The following CDH23 variants were observed in gnomAD, a reference collection of about 807,000 sequenced individuals.
The protein encoded by CDH23 is cadherin-23.
Under a neutral mutation model 317.1 loss-of-function variants are expected in CDH23, and 189 were observed. The ratio of observed to expected loss-of-function variants is 0.60; its 90% CI spans 0.53 to 0.67. CDH23 has a LOEUF of 0.67. CDH23 is among the 30% of genes least tolerant of loss of function. The pLI is 0.00. For synonymous variants in CDH23, 1,839 were observed against 1,876.8 expected (o/e 0.98, Z 0.52); for missense variants, 4,401 against 4,592.4 (o/e 0.96, Z 1.20).
chr10:71,423,477 C>T (rs1025529738), intron 1 of CDH23, among the ~76,000 whole-genome samples: 3 of 152,150 alleles, frequency 2.0e-5, no homozygotes, highest in Non-Finnish European at 2.9e-5. Context: ...GGAAGGTGCT[C>T]CTTGGCTGGG....
intron 9 of CDH23, among the ~76,000 whole-genome samples, chr10:71,599,289 G>A (rs987625020): frequency 2.0e-5 from 3 of 152,176 alleles, no homozygotes; most frequent in Admixed American, 6.5e-5. Context: ...TCATCTCAGA[G>A]GCCTGTTCTG....
chr10:71,791,093 T>G, intron 46 of CDH23, 39 bp from the exon 47 acceptor site: 1 of 1,544,832 alleles, frequency 6.5e-7, no homozygotes, highest in Non-Finnish European at 8.8e-7. Flanking sequence ...CCGCACCCCT[T>G]TTCTGTGTGT....
chr10:71,790,805 T>C, intron 46 of CDH23: 1 of 473,062 alleles, frequency 2.1e-6, no homozygotes, highest in Non-Finnish European at 3.9e-6. Context: ...GGAGGCCGCT[T>C]TGGTGACAGG....
chr10:71,589,031 G>A (rs534918370), intron 9 of CDH23, among the ~76,000 whole-genome samples: 2 of 152,318 alleles, frequency 1.3e-5, no homozygotes, highest in Non-Finnish European at 2.9e-5. Context: ...CCCAGCTCCA[G>A]TCTGCAGCCC....
rs1428407796 is a variant in CDH23, at chr10:71,559,936, G to C, written c.430-6806G>C. 2.6e-5 allele frequency among the ~76,000 whole-genome samples: 4 copies of C among 152,224 alleles called. No homozygotes were observed. In the East Asian group the frequency reaches 7.7e-4, roughly 29 times the overall value. On this transcript the variant is annotated intron_variant, in intron 6 of 69. Coordinates refer to ENST00000224721, the MANE Select transcript of CDH23 (RefSeq NM_022124.6). ...TGTGCCCCTCCCTGACCAGAATGGG[G>C]CTCCCTGAGATATGTGTTGGTGCCC... is the stretch of plus-strand genomic sequence containing the variant.
intron 3 of CDH23, among the ~76,000 whole-genome samples, chr10:71,475,504 C>T (rs573184534): frequency 1.3e-5 from 2 of 152,216 alleles, no homozygotes; most frequent in Non-Finnish European, 2.9e-5. Flanking sequence ...GACCTTCAGG[C>T]TGAGCCAACT....
At chr10:71,702,302 A>C (rs1476783937) in intron 23 of CDH23, 91 bp downstream of exon 23, 1 of 1,409,092 alleles carries the variant, frequency 7.1e-7, no homozygotes, top group African/African-American at 1.4e-5. Flanking sequence ...GGGCCCACCC[A>C]GGAGGTCTAT....
rs939317652 is a variant in CDH23 at position 71,815,389 on chromosome 10, G to A, written c.*111G>A. The stretch of plus-strand genomic sequence containing the variant: ...GGGGACCCTCCAAGGCCAGGCCTTG[G>A]GGACAACCTTGGCTTGGCCCTGGCA... On this transcript the variant is annotated 3_prime_UTR_variant, in exon 70 of 70. Coordinates refer to ENST00000224721, the MANE Select transcript of CDH23 (RefSeq NM_022124.6). The A allele has an allele frequency of 3.7e-6, 4 of 1,094,230 alleles. No individual in the cohort carries two copies. The highest frequency in any genetic ancestry group is 5.1e-6 in the Non-Finnish European group (4 of 788,326). The allele number at this position is 1,094,230 out of a possible 1,614,324, so 67.8% of individuals were successfully genotyped here.
rs761433693 is a variant in CDH23, at chr10:71,811,354, G to A, written c.9117G>A (p.Arg3039=). The A allele has an allele frequency of 4.3e-6, 7 of 1,613,926 alleles. No homozygotes were observed. Among genetic ancestry groups the A allele is most frequent in the Non-Finnish European group, 5.9e-6 (7 of 1,179,878 alleles). The part of the protein sequence containing the change: ...QMIDENKEQL[R]NLFRNYNVLD... ...TCGATGAGAACAAGGAGCAGCTACGGAATCTTTTCCGGAACTACAACGTCC... is the reference window on the plus strand; with the variant it reads ...TCGATGAGAACAAGGAGCAGCTACGAAATCTTTTCCGGAACTACAACGTCC... The change falls in exon 63 of 70, where the codon CGG becomes CGA. Residue 3039 remains arginine (R), a synonymous_variant. Transcript: ENST00000224721.
At chr10:71,781,955 G>C (rs1190606146) in intron 41 of CDH23, among the ~76,000 whole-genome samples, 2 of 152,164 alleles carry the variant, frequency 1.3e-5, no homozygotes, top group African/African-American at 4.8e-5. Flanking sequence ...GTCACTGAAG[G>C]GTTGACGGAT....
intron 24 of CDH23, among the ~76,000 whole-genome samples, chr10:71,704,267 A>C (rs764652549): frequency 5.3e-5 from 8 of 152,130 alleles, no homozygotes; most frequent in Non-Finnish European, 1.2e-4. Context: ...CCTTGAATCC[A>C]CTTCAGTAAA....
At chr10:71,755,553 G>A (rs1198274126) in intron 38 of CDH23, 3 of 1,255,574 alleles carry the variant, frequency 2.4e-6, no homozygotes, top group African/African-American at 3.0e-5. Context: ...GGGAAGGCCA[G>A]GAAGCAGGAG....
At chr10:71,679,623 C>T in intron 17 of CDH23, 131 bp downstream of exon 17, 4 of 723,984 alleles carry the variant, frequency 5.5e-6, no homozygotes, top group Non-Finnish European at 9.5e-6. Context: ...CAGGAAGCTG[C>T]CCGGAGCACC....
At chr10:71,724,672 A>G (rs142710448) in intron 29 of CDH23, among the ~76,000 whole-genome samples, 2 of 152,326 alleles carry the variant, frequency 1.3e-5, no homozygotes, top group African/African-American at 4.8e-5. Context: ...TGGCCCTGAC[A>G]GAGAGGGCCC....
chr10:71,670,931 AG>A (rs1356861792), intron 14 of CDH23, among the ~76,000 whole-genome samples: 1 of 145,554 alleles, frequency 6.9e-6, no homozygotes, highest in Admixed American at 6.9e-5. Context: ...AGCACAGTTG[AG>A]GTGCTCACCT....
chr10:71,505,343 A>G (rs1251594564), intron 3 of CDH23, among the ~76,000 whole-genome samples: 1 of 152,240 alleles, frequency 6.6e-6, no homozygotes, highest in African/African-American at 2.4e-5. Flanking sequence ...TTGGAATTTT[A>G]TCTAGAAAAG....
Position 71,810,017 on chromosome 10 carries a change from G to A in CDH23, c.8920G>A (p.Glu2974Lys). Reference protein sequence around the residue: ...IPDRVRGFEEEFIHLLSNITG... With the variant: ...IPDRVRGFEEKFIHLLSNITG... ...CGACCGTGTGCGCGGCTTCGAGGAG[G>A]AGTTCATCCACCTGCTCTCCAACAT... Residue 2974 changes from glutamate to lysine, a missense_variant, in exon 61 of 70, where the codon GAG becomes AAG. Transcript: ENST00000224721. 6.2e-7 allele frequency: 1 copy of A among 1,612,634 alleles called. No individual in the cohort carries two copies. The highest frequency in any genetic ancestry group is 8.5e-7 in the Non-Finnish European group (1 of 1,179,864).
At chr10:71,557,581 A>C (rs1856932942) in intron 6 of CDH23, among the ~76,000 whole-genome samples, 1 of 152,226 alleles carries the variant, frequency 6.6e-6, no homozygotes, top group South Asian at 2.1e-4. Flanking sequence ...AATTTTCAGA[A>C]AAAAGTGTTC....
At chr10:71,639,003 A>T (rs1206808824) in intron 11 of CDH23, among the ~76,000 whole-genome samples, 1 of 152,122 alleles carries the variant, frequency 6.6e-6, no homozygotes, top group Non-Finnish European at 1.5e-5. Context: ...CAGGAGCTAC[A>T]CGGGGAGGGA....
Sources: gnomAD v4.1 joint callset for allele counts (sites outside exome capture counted in the v4.1 genomes callset) on GRCh38, gnomAD v4.1.1 for gene constraint, MANE v1.5 for transcripts, NCBI Gene and HGNC (gene_info 2026-07-23, HGNC 2026-07-21) for gene names.